XPO7: variants seen among roughly 807,000 people sequenced by gnomAD.
XPO7 encodes exportin-7.
In XPO7, 21 loss-of-function variants were observed where a neutral mutation model predicts 144.3. The observed-to-expected ratio is 0.15, with a 90% confidence interval of 0.10 to 0.21. The LOEUF (loss-of-function observed/expected upper bound fraction) is 0.21, where lower values mean the gene tolerates loss of function less well. XPO7 is among the 10% of genes least tolerant of loss of function. XPO7 has a pLI of 1.00. For missense variants in XPO7, 808 were observed against 1,325.8 expected (o/e 0.61, Z 6.06); for synonymous variants, 580 against 499.6 (o/e 1.16, Z -2.15).
chr8:21,974,913 C>T (rs1279999553), intron 6 of XPO7, 139 bp downstream of exon 6: 1 of 682,434 alleles, frequency 1.5e-6, no homozygotes, highest in African/African-American at 1.9e-5. Flanking sequence ...ATATAAGACT[C>T]ATAGAGGCGT....
At chr8:21,923,545 A>T (rs1377911828) in intron 1 of XPO7, among the ~76,000 whole-genome samples, 1 of 152,248 alleles carries the variant, frequency 6.6e-6, no homozygotes, top group Non-Finnish European at 1.5e-5. Flanking sequence ...TGACTTTAGT[A>T]TATTTCCTGA....
chr8:21,933,668 T>C (rs771025073), intron 1 of XPO7, among the ~76,000 whole-genome samples: 2 of 152,222 alleles, frequency 1.3e-5, no homozygotes, highest in Admixed American at 6.5e-5. Flanking sequence ...GTTAAACCAG[T>C]TAACATTTCT....
rs763315525 is a variant in XPO7, at chr8:21,985,567, G to A, written c.1472-19G>A. The A allele has an allele frequency of 6.2e-7, 1 of 1,607,956 alleles. No individual in the cohort carries two copies. The highest frequency in any genetic ancestry group is 8.5e-7 in the Non-Finnish European group (1 of 1,174,462). On this transcript the variant is annotated intron_variant, in intron 12 of 27. Coordinates refer to ENST00000252512, the MANE Select transcript of XPO7 (RefSeq NM_015024.5). ...GAAACTATCACTGGAGGTGACACTGGGTCTGTCTCCTGCTGCAGGAAGGCT... is the reference window on the plus strand; with the variant it reads ...GAAACTATCACTGGAGGTGACACTGAGTCTGTCTCCTGCTGCAGGAAGGCT...
At chr8:21,921,032 C>T (rs1266374500) in intron 1 of XPO7, among the ~76,000 whole-genome samples, 4 of 152,008 alleles carry the variant, frequency 2.6e-5, no homozygotes. Flanking sequence ...GTTGTCAGGA[C>T]AGAATTATAG....
intron 7 of XPO7, among the ~76,000 whole-genome samples, chr8:21,977,526 A>T (rs1348966999): frequency 6.6e-6 from 1 of 152,188 alleles, no homozygotes; most frequent in Non-Finnish European, 1.5e-5. Flanking sequence ...CAAAGGTTGC[A>T]GTGAGCCGAG....
chr8:21,939,938 T>C (rs1418007995), intron 1 of XPO7, among the ~76,000 whole-genome samples: 1 of 152,254 alleles, frequency 6.6e-6, no homozygotes, highest in African/African-American at 2.4e-5. Context: ...TATTTTGTAA[T>C]CTCCCTGAAT....
At chr8:21,961,220 C>CTT (rs1226678995) in intron 1 of XPO7, among the ~76,000 whole-genome samples, 5 of 97,104 alleles carry the variant, frequency 5.1e-5, no homozygotes, top group Non-Finnish European at 1.1e-4. Flanking sequence ...TTTTTTTTTT[C>CTT]TTTTTTTGAG....
chr8:21,988,731 C>T (rs1446535537), intron 15 of XPO7: 3 of 441,792 alleles, frequency 6.8e-6, no homozygotes, highest in African/African-American at 6.0e-5. Flanking sequence ...AGAAATCAGC[C>T]CTGGAGTGCC....
chr8:21,982,675 T>A lies in XPO7; in HGVS notation c.1140T>A (p.Leu380=). ...WEFAPNSVHY[L]LSLWQRLAAS... Reference sequence around the variant, plus strand: ...TTGCTCCAAATAGTGTGCACTATCTTCTGAGCCTGTGGCAGCGGCTGGCAG... The same window carrying A: ...TTGCTCCAAATAGTGTGCACTATCTACTGAGCCTGTGGCAGCGGCTGGCAG... Residue 380 remains leucine (L), a synonymous_variant, in exon 11 of 28, where the codon CTT becomes CTA. Transcript: ENST00000252512. 1 of 1,608,870 alleles carries A rather than the reference T, an allele frequency of 6.2e-7. No homozygotes were observed. The highest frequency in any genetic ancestry group is 8.5e-7 in the Non-Finnish European group (1 of 1,178,358).
chr8:22,003,864 C>T (rs1346957611), intron 26 of XPO7, 39 bp from the exon 27 acceptor site: 4 of 1,612,582 alleles, frequency 2.5e-6, no homozygotes, highest in South Asian at 2.2e-5. Context: ...CTGCCTTCCC[C>T]TGCTTCTCTA....
chr8:21,989,819 T>TG (rs1467798566), intron 16 of XPO7, among the ~76,000 whole-genome samples: 1 of 118,180 alleles, frequency 8.5e-6, no homozygotes, highest in Non-Finnish European at 1.7e-5. Flanking sequence ...TATAGGTGTT[T>TG]CCTTTTTTTT....
intron 5 of XPO7, among the ~76,000 whole-genome samples, chr8:21,972,997 T>C (rs1812116268): frequency 6.6e-6 from 1 of 152,242 alleles, no homozygotes; most frequent in Non-Finnish European, 1.5e-5. Context: ...CTAAGCACTT[T>C]ATAGTAACTA....
At chr8:21,935,779 T>C (rs1810800629) in intron 1 of XPO7, among the ~76,000 whole-genome samples, 1 of 151,362 alleles carries the variant, frequency 6.6e-6, no homozygotes, top group Non-Finnish European at 1.5e-5. Flanking sequence ...ATTAAATCCA[T>C]GGCCCTTCTC....
rs780568807 is a variant in XPO7 at position 22,003,947 on chromosome 8, G to A, written c.3087G>A (p.Pro1029=). 7.4e-6 allele frequency: 12 copies of A among 1,613,782 alleles called. No individual in the cohort carries two copies. Among genetic ancestry groups the A allele is most frequent in the East Asian group, 2.2e-5 (1 of 44,890 alleles). ...LRNSIVNSQP[P]EKQQAMHLCF... ...ACAGTATTGTGAACAGCCAGCCACC[G>A]GAGAAGCAGCAGGCCATGCACCTGT... The change falls in exon 27 of 28, where the codon CCG becomes CCA. Residue 1029 remains proline (P), a synonymous_variant. Transcript: ENST00000252512.
chr8:21,940,251 G>T (rs1026971157), intron 1 of XPO7, among the ~76,000 whole-genome samples: 1 of 152,130 alleles, frequency 6.6e-6, no homozygotes, highest in Admixed American at 6.5e-5. Flanking sequence ...TATAGGAAAA[G>T]AATCAAATAT....
chr8:21,961,706 A>AGTG (rs1811731170), intron 1 of XPO7, among the ~76,000 whole-genome samples: 2 of 152,108 alleles, frequency 1.3e-5, no homozygotes, highest in Admixed American at 1.3e-4. Context: ...GCTGGAGTGC[A>AGTG]GTGGCAGGAT....
In XPO7 at chr8:21,980,146, G is replaced by A. The variant is rs758553819; in HGVS notation, c.900G>A (p.Arg300=). 1.2e-5 allele frequency: 20 copies of A among 1,605,672 alleles called. No homozygotes were observed. The African/African-American group carries it at 2.5e-4, about 20-fold the overall frequency. Reference sequence around the variant, plus strand: ...GATCCCTGTTTAACAATGCAGAGAGGGCCAAGTTTCTCTCTCATCTTGTTG... The same window carrying A: ...GATCCCTGTTTAACAATGCAGAGAGAGCCAAGTTTCTCTCTCATCTTGTTG... ...VRRSLFNNAE[R]AKFLSHLVDG... Residue 300 remains arginine, a synonymous_variant, in exon 9 of 28, where the codon AGG becomes AGA. Transcript: ENST00000252512.
chr8:21,987,119 A>G, intron 13 of XPO7, 22 bp from the exon 14 acceptor site: 2 of 1,613,318 alleles, frequency 1.2e-6, no homozygotes, highest in Non-Finnish European at 1.7e-6. Context: ...TGTTGAGAGA[A>G]TCATTGCTCC....
At chr8:21,985,503 C>G in intron 12 of XPO7, 83 bp from the exon 13 acceptor site, 1 of 1,284,118 alleles carries the variant, frequency 7.8e-7, no homozygotes, top group Non-Finnish European at 1.1e-6. Context: ...CCACAGTGTT[C>G]TTAAGATTAA....
Sources: allele counts gnomAD v4.1 joint callset (sites outside exome capture counted in the v4.1 genomes callset), GRCh38; gene constraint gnomAD v4.1.1; transcripts MANE v1.5; gene names NCBI Gene and HGNC (gene_info 2026-07-23, HGNC 2026-07-21).